The following SLC6A20 variants were observed in gnomAD, a reference collection of about 807,000 sequenced individuals.
SLC6A20 encodes the protein sodium- and chloride-dependent transporter XTRP3.
In SLC6A20, 73 loss-of-function variants were observed where a neutral mutation model predicts 64.3. The ratio of observed to expected loss-of-function variants is 1.14; its 90% CI spans 0.94 to 1.38. SLC6A20 has a LOEUF of 1.38. Among genes scored for constraint, SLC6A20 ranks in the 40% most tolerant of loss-of-function variants. The pLI, the probability that SLC6A20 is intolerant of heterozygous loss-of-function variation, is 0.00. For synonymous variants in SLC6A20, 347 were observed against 329.6 expected, an observed-to-expected ratio of 1.05 and a Z score of -0.57; for missense variants, 725 against 772.8, an observed-to-expected ratio of 0.94 and a Z score of 0.73.
chr3:45,785,961 C>T (rs1010721346), intron 1 of SLC6A20, among the ~76,000 whole-genome samples: 4 of 152,070 alleles, frequency 2.6e-5, no homozygotes, highest in African/African-American at 7.2e-5. Flanking sequence ...TGAGAGGCCA[C>T]GAGGAGGAGA....
rs1015616955 is a variant in SLC6A20 at position 45,790,841 on chromosome 3, A to C, written c.121+5458T>G. 2.0e-5 allele frequency among the ~76,000 whole-genome samples: 3 copies of C among 151,918 alleles called. No individual in the cohort carries two copies. In the East Asian group the frequency reaches 5.8e-4, roughly 29 times the overall value. ...ACATGCTGACTCCTTTTTCATCTCC[A>C]GTTTCCTCTCCTGCCATTGCCCTAG... is the stretch of plus-strand genomic sequence containing the variant. On this transcript the variant is annotated intron_variant, in intron 1 of 10. Coordinates refer to ENST00000358525, the MANE Select transcript of SLC6A20 (RefSeq NM_020208.4).
At chr3:45,772,760 C>A in intron 4 of SLC6A20, 145 bp from the exon 5 acceptor site, 1 of 684,988 alleles carries the variant, frequency 1.5e-6, no homozygotes, top group Non-Finnish European at 2.5e-6. Flanking sequence ...GATTCTTGGT[C>A]ACACACAGGC....
Position 45,761,580 on chromosome 3 carries a change from G to A in SLC6A20, c.1463+1333C>T, listed in dbSNP as rs541013358. 2.6e-5 allele frequency among the ~76,000 whole-genome samples: 4 copies of A among 152,238 alleles called. No individual in the cohort carries two copies. In the South Asian group the frequency reaches 8.3e-4, roughly 32 times the overall value. On this transcript the variant is annotated intron_variant, in intron 9 of 10. Coordinates refer to ENST00000358525, the MANE Select transcript of SLC6A20 (RefSeq NM_020208.4). ...TAGACTGGCATTTCCTAGGTGACCA[G>A]GGATTTTCCCAATTTTAGTACTGAA...
chr3:45,794,500 C>A (rs1366276420), intron 1 of SLC6A20, among the ~76,000 whole-genome samples: 1 of 152,174 alleles, frequency 6.6e-6, no homozygotes. Flanking sequence ...TATCTATCCA[C>A]CCATCCAGCC....
chr3:45,759,141 C>T lies in SLC6A20; in HGVS notation c.1630-14G>A, dbSNP rs780745036. Reference sequence around the variant, plus strand: ...CACGAGCTGGCCCTGAAAGGAGAGACTGAGTGTCAGCAGAGAGCACCTGCT... The same window carrying T: ...CACGAGCTGGCCCTGAAAGGAGAGATTGAGTGTCAGCAGAGAGCACCTGCT... On this transcript the variant is annotated splice_polypyrimidine_tract_variant and intron_variant, in intron 10 of 10. Transcript: ENST00000358525. The T allele has an allele frequency of 1.2e-6, 2 of 1,604,324 alleles. No homozygotes were observed. Among genetic ancestry groups the T allele is most frequent in the South Asian group, 1.1e-5 (1 of 88,948 alleles).
rs1021653638 is a variant in SLC6A20 at position 45,756,779 on chromosome 3, GAA to G, written c.*2197_*2198del. On this transcript the variant is annotated 3_prime_UTR_variant, in exon 11 of 11. Coordinates refer to ENST00000358525, the MANE Select transcript of SLC6A20 (RefSeq NM_020208.4). Reference sequence around the variant, plus strand: ...ACCTACTTTATTGCAGTTAAAAAAAGAAAAATTTTTTTGAGAAAAGAAATAAG... The same window carrying G: ...ACCTACTTTATTGCAGTTAAAAAAAGAAATTTTTTTGAGAAAAGAAATAAG... 6.6e-6 allele frequency: 1 copy of G among 152,118 alleles called. No individual in the cohort carries two copies. Among genetic ancestry groups the G allele is most frequent in the Admixed American group, 6.5e-5 (1 of 15,272 alleles). The allele number at this position is 152,118 out of a possible 1,614,324, so 9.4% of individuals were successfully genotyped here.
chr3:45,782,289 T>G, intron 1 of SLC6A20, 66 bp from the exon 2 acceptor site: 1 of 1,540,354 alleles, frequency 6.5e-7, no homozygotes, highest in South Asian at 1.3e-5. Context: ...CCACTCAACC[T>G]CTGTGCAAAC....
At chr3:45,783,637 G>A (rs780035371) in intron 1 of SLC6A20, among the ~76,000 whole-genome samples, 3 of 152,204 alleles carry the variant, frequency 2.0e-5, no homozygotes, top group African/African-American at 7.2e-5. Context: ...TATTTCCTTG[G>A]GATACAAATC....
rs1331372557 is a variant in SLC6A20 at position 45,775,796 on chromosome 3, G to C, written c.547C>G (p.Leu183Val). The C allele has an allele frequency of 6.2e-7, 1 of 1,613,952 alleles. No homozygotes were observed. Among genetic ancestry groups the C allele is most frequent in the African/African-American group, 1.3e-5 (1 of 74,914 alleles). Reference protein sequence around the residue: ...CLLLAWLVVYLCILRGTESTG... With the variant: ...CLLLAWLVVYVCILRGTESTG... ...GACTCGGTGCCACGCAGGATGCACA[G>C]GTACACCACCAGCCAGGCCAGGAGG... The change falls in exon 4 of 11, where the codon CTG (leucine) becomes GTG (valine). Residue 183 changes from leucine (L) to valine (V), a missense_variant. Leu to Val is a conservative substitution (Grantham distance 32). Coordinates refer to ENST00000358525, the MANE Select transcript of SLC6A20 (RefSeq NM_020208.4).
In SLC6A20 at chr3:45,775,854, G is replaced by A. The variant is rs565155420; in HGVS notation, c.489C>T (p.Asn163=). Residue 163 remains asparagine, a synonymous_variant, in exon 4 of 11, where the codon AAC becomes AAT. Coordinates refer to ENST00000358525, the MANE Select transcript of SLC6A20 (RefSeq NM_020208.4). ...TLNISPSLQE[N]GGVQWEPALC... ...GCGCCGGCTCCCACTGCACACCCCC[G>A]TTCTCCTGGAGGGACGGCGAGATAT... The A allele has an allele frequency of 2.5e-4, 399 of 1,614,152 alleles. 3 individuals carry two copies. In the South Asian group the frequency reaches 3.7e-3, roughly 15 times the overall value.
In SLC6A20 at chr3:45,762,475, T is replaced by C. The variant is rs542055709; in HGVS notation, c.1463+438A>G. Among the ~76,000 whole-genome samples, 7 of 152,370 alleles carry C rather than the reference T, an allele frequency of 4.6e-5. No homozygotes were observed. The South Asian group carries it at 6.2e-4, about 14-fold the overall frequency. ...GAACTAAAACATTCCAGTCCCGTGC[T>C]GTGCACTGGGATTGAGAACCTCACT... On this transcript the variant is annotated intron_variant, in intron 9 of 10. Coordinates refer to ENST00000358525, the MANE Select transcript of SLC6A20 (RefSeq NM_020208.4).
chr3:45,762,907 C>T lies in SLC6A20; in HGVS notation c.1463+6G>A, dbSNP rs771668800. 1 of 1,614,024 alleles carries T rather than the reference C, an allele frequency of 6.2e-7. No individual in the cohort carries two copies. The highest frequency in any genetic ancestry group is 8.5e-7 in the Non-Finnish European group (1 of 1,179,946). ...CTATGCAAATGAGGGTCCTGGGCCT[C>T]CTCACCTCCTCAGCCCGTACACGTA... is the stretch of plus-strand genomic sequence containing the variant. On this transcript the variant is annotated splice_donor_region_variant and intron_variant, in intron 9 of 10. Transcript: ENST00000358525.
intron 7 of SLC6A20, 138 bp downstream of exon 7, chr3:45,770,071 C>G: frequency 8.7e-7 from 1 of 1,143,662 alleles, no homozygotes; most frequent in Non-Finnish European, 1.2e-6. Context: ...CTCTCTTCCC[C>G]TTGGAGTTGC....
At chr3:45,793,360 C>T (rs577818436) in intron 1 of SLC6A20, among the ~76,000 whole-genome samples, 1 of 152,340 alleles carries the variant, frequency 6.6e-6, no homozygotes, top group African/African-American at 2.4e-5. Flanking sequence ...CTTTTTACAC[C>T]TTAGTGCACA....
intron 1 of SLC6A20, 120 bp from the exon 2 acceptor site, chr3:45,782,343 T>C: frequency 7.5e-7 from 1 of 1,331,342 alleles, no homozygotes; most frequent in Non-Finnish European, 1.0e-6. Flanking sequence ...TGCATTCTCC[T>C]ACCTTTCCAT....
At chr3:45,789,143 T>A (rs1405978776) in intron 1 of SLC6A20, among the ~76,000 whole-genome samples, 1 of 152,066 alleles carries the variant, frequency 6.6e-6, no homozygotes, top group Non-Finnish European at 1.5e-5. Context: ...TTTCATAGGG[T>A]GATATCAACA....
chr3:45,767,535 A>G (rs1699796632), intron 7 of SLC6A20, among the ~76,000 whole-genome samples: 1 of 152,186 alleles, frequency 6.6e-6, no homozygotes, highest in Admixed American at 6.5e-5. Flanking sequence ...GGGAAAAATA[A>G]AAGAGAGGTT....
rs369018363 is a variant in SLC6A20, at chr3:45,772,560, C to T, written c.638G>A (p.Arg213Lys). The T allele has an allele frequency of 1.2e-5, 19 of 1,613,844 alleles. No homozygotes were observed. The highest frequency in any genetic ancestry group is 2.2e-5 in the East Asian group (1 of 44,880). Residue 213 changes from arginine (R) to lysine (K), a missense_variant, in exon 5 of 11, where the codon AGG (arginine) becomes AAG (lysine). By Grantham distance (26) the Arg-to-Lys change is conservative (BLOSUM62 2). Coordinates refer to ENST00000358525, the MANE Select transcript of SLC6A20 (RefSeq NM_020208.4). ...GGTGGCTCCGTGGAGCGTGAGGCCC[C>T]TGATGAGGTAGATGATGAGCACGCA... ...PYCVLIIYLI[R>K]GLTLHGATNG... is the part of the protein sequence containing the mutation.
At position 45,758,366 on chromosome 3, in the gene SLC6A20, G is replaced by C; in HGVS notation, c.*612C>G. ...GGGCAATTTTTTGTAGAGAGGTCTG[G>C]TCCTGGACCCACCGTCAGAGACCTT... On this transcript the variant is annotated 3_prime_UTR_variant, in exon 11 of 11. Transcript: ENST00000358525. 1 of 1,230,500 alleles carries C rather than the reference G, an allele frequency of 8.1e-7. No homozygotes were observed. The allele number at this position is 1,230,500 out of a possible 1,614,324, so 76.2% of individuals were successfully genotyped here.
Sources: gnomAD v4.1 joint callset for allele counts (sites outside exome capture counted in the v4.1 genomes callset) on GRCh38, gnomAD v4.1.1 for gene constraint, MANE v1.5 for transcripts, NCBI Gene and HGNC (gene_info 2026-07-23, HGNC 2026-07-21) for gene names.